The following STOX2 variants were observed in gnomAD, a reference collection of about 807,000 sequenced individuals.
The protein encoded by STOX2 is storkhead-box protein 2.
A neutral mutation model predicts 60.9 loss-of-function variants in STOX2; 28 were observed. The observed-to-expected ratio is 0.46, with a 90% CI of 0.34 to 0.63. The LOEUF (loss-of-function observed/expected upper bound fraction) is 0.63, where lower values mean the gene tolerates loss of function less well. STOX2 is among the 30% of genes least tolerant of loss of function. The probability of loss-of-function intolerance (pLI) is 0.01; values close to 1 mark genes in which losing one functional copy is unlikely to be tolerated. For synonymous variants in STOX2, 472 were observed against 463.9 expected, an observed-to-expected ratio of 1.02 and a Z score of -0.22; for missense variants, 1,024 against 1,187.7, an observed-to-expected ratio of 0.86 and a Z score of 2.03.
chr4:183,886,335 T>C (rs1271442405), intron 1 of STOX2, among the ~76,000 whole-genome samples: 1 of 130,440 alleles, frequency 7.7e-6, no homozygotes, highest in African/African-American at 2.5e-5. Context: ...GTCACTAGGA[T>C]TGCACAACAG....
In STOX2 at chr4:184,009,014, C is replaced by T; in HGVS notation, c.320-144C>T. On this transcript the variant is annotated intron_variant, in intron 2 of 3. Transcript: ENST00000308497. This position sits in a 1 kb window ranked among gnomAD's most constrained non-coding sequence, Gnocchi z 4.0. ...CAAGAAGGCGAGGATTTGCACTGAA[C>T]TTAATGAACACCTTTGTCTGAATTG... is the stretch of plus-strand genomic sequence containing the variant. 1 of 655,434 alleles carries T rather than the reference C, an allele frequency of 1.5e-6. No individual in the cohort carries two copies. Among genetic ancestry groups the T allele is most frequent in the Middle Eastern group, 4.2e-4 (1 of 2,392 alleles). The allele number at this position is 655,434 out of a possible 1,614,324, so 40.6% of individuals were successfully genotyped here. A position where few individuals can be genotyped will look rare whatever the true frequency, so the allele number is the denominator to read the frequency against.
intron 1 of STOX2, among the ~76,000 whole-genome samples, chr4:183,863,998 G>C (rs1319231900): frequency 6.6e-6 from 1 of 152,078 alleles, no homozygotes; most frequent in Non-Finnish European, 1.5e-5. Flanking sequence ...TCCAGCTCCA[G>C]CTCCATCTGT....
chr4:183,900,300 T>C (rs1741435139), intron 1 of STOX2, among the ~76,000 whole-genome samples: 1 of 152,018 alleles, frequency 6.6e-6, no homozygotes, highest in Admixed American at 6.5e-5. Context: ...GATTAAGGAG[T>C]AATTTTGATT....
chr4:183,798,428 C>A (rs1190509784), intron 1 of STOX2, among the ~76,000 whole-genome samples: 3 of 151,710 alleles, frequency 2.0e-5, no homozygotes, highest in Non-Finnish European at 4.4e-5. Context: ...GGCTGGAGTG[C>A]GCGGGCCGGG....
chr4:183,798,586 C>T (rs1738688615), intron 1 of STOX2: 1 of 977,574 alleles, frequency 1.0e-6, no homozygotes, highest in Non-Finnish European at 1.2e-6. Context: ...GTGTTGCGCG[C>T]ACGCATTTCT....
chr4:183,862,056 C>T (rs1740460496), intron 1 of STOX2, among the ~76,000 whole-genome samples: 1 of 152,180 alleles, frequency 6.6e-6, no homozygotes, highest in South Asian at 2.1e-4. Context: ...AGATCCCAGG[C>T]TCTAGACCAC....
chr4:183,895,725 A>G (rs908394251), intron 1 of STOX2, among the ~76,000 whole-genome samples: 4 of 152,248 alleles, frequency 2.6e-5, no homozygotes, highest in African/African-American at 4.8e-5. Context: ...TTATTAGCAC[A>G]TAGCAAGTGC....
chr4:183,966,987 A>C (rs1743591238), intron 1 of STOX2, among the ~76,000 whole-genome samples: 1 of 152,202 alleles, frequency 6.6e-6, no homozygotes, highest in Non-Finnish European at 1.5e-5. Flanking sequence ...GAACAAAGTG[A>C]CGTGACATGT....
chr4:183,948,565 G>A (rs1441086095), intron 1 of STOX2, among the ~76,000 whole-genome samples: 1 of 5,900 alleles, frequency 1.7e-4, no homozygotes. Flanking sequence ...TTTTTTTTGA[G>A]ACAGAGTTTA....
intron 1 of STOX2, among the ~76,000 whole-genome samples, chr4:183,943,966 G>T (rs1319249398): frequency 3.3e-5 from 5 of 152,222 alleles, no homozygotes; most frequent in African/African-American, 1.2e-4. Context: ...CACTGTGCTA[G>T]GTGCTGTGGA....
At chr4:183,798,191 C>A in intron 1 of STOX2, 1 of 879,360 alleles carries the variant, frequency 1.1e-6, no homozygotes, top group Non-Finnish European at 1.5e-6. Flanking sequence ...GCGTCCCTGC[C>A]GGGGGAGGAG....
At position 183,979,157 on chromosome 4, in the gene STOX2, A is replaced by G. The variant is rs980124337; in HGVS notation, c.167-22168A>G. On this transcript the variant is annotated intron_variant, in intron 1 of 3. Coordinates refer to ENST00000308497, the MANE Select transcript of STOX2 (RefSeq NM_020225.3). ...GTTCTGGTGAGACCTCAGGGAACTT[A>G]CAGTCATGGCAGAAGGCAAAGAGGG... Among the ~76,000 whole-genome samples, 106 of 152,162 alleles carry G rather than the reference A, an allele frequency of 7.0e-4. 2 individuals are homozygous for G. Among genetic ancestry groups the G allele is most frequent in the Non-Finnish European group, 6.6e-4 (45 of 68,040 alleles).
chr4:183,871,130 C>T (rs1032672412), intron 1 of STOX2, among the ~76,000 whole-genome samples: 2 of 152,188 alleles, frequency 1.3e-5, no homozygotes, highest in Non-Finnish European at 2.9e-5. Context: ...CTGGATCTAA[C>T]AGGGAGATAC....
intron 1 of STOX2, among the ~76,000 whole-genome samples, chr4:183,890,536 A>AGGAAGGAGAGAGGGAGGGAGGAAG (rs70959155): frequency 5.7e-5 from 7 of 122,524 alleles, no homozygotes; most frequent in Non-Finnish European, 8.1e-5. Flanking sequence ...AAAGGAGGGA[A>AGGAAGGAGAGAGGGAGGGAGGAAG]GGAAGGAGAG....
intron 1 of STOX2, among the ~76,000 whole-genome samples, chr4:183,879,478 G>T (rs1410153191): frequency 4.6e-5 from 7 of 152,196 alleles, no homozygotes; most frequent in Non-Finnish European, 1.0e-4. Flanking sequence ...GCGGCTGGGC[G>T]CTGGGATACA....
chr4:183,881,329 C>A (rs745795584), intron 1 of STOX2, among the ~76,000 whole-genome samples: 2 of 152,046 alleles, frequency 1.3e-5, no homozygotes, highest in African/African-American at 4.8e-5. Flanking sequence ...GGTGAAACCC[C>A]GTCACTACTA....
intron 1 of STOX2, among the ~76,000 whole-genome samples, chr4:183,998,706 T>A (rs1733452322): frequency 6.6e-6 from 1 of 152,092 alleles, no homozygotes; most frequent in Admixed American, 6.5e-5. Context: ...CATGCCTGGC[T>A]AATTTTTGTA....
At chr4:183,926,732 T>C (rs1742252282) in intron 1 of STOX2, among the ~76,000 whole-genome samples, 1 of 152,224 alleles carries the variant, frequency 6.6e-6, no homozygotes, top group Non-Finnish European at 1.5e-5. Flanking sequence ...CAAGCAGTTC[T>C]CCTGGCTCAG....
chr4:183,943,551 G>A (rs1742805664), intron 1 of STOX2, among the ~76,000 whole-genome samples: 1 of 152,146 alleles, frequency 6.6e-6, no homozygotes, highest in African/African-American at 2.4e-5. Flanking sequence ...AAAATATAGA[G>A]AAATAAAGTG....
Sources: gnomAD v4.1 joint callset for allele counts (sites outside exome capture counted in the v4.1 genomes callset) on GRCh38, gnomAD v4.1.1 for gene constraint, Gnocchi (gnomAD v3.1) non-coding constraint, MANE v1.5 for transcripts, NCBI Gene and HGNC (gene_info 2026-07-23, HGNC 2026-07-21) for gene names.